The following MMP26 variants were observed in gnomAD, a reference collection of about 807,000 sequenced individuals.
MMP26 encodes matrix metalloproteinase-26.
MMP26 carries 33 observed loss-of-function variants against 31.0 expected under a neutral mutation model. That is an observed-to-expected ratio of 1.06 (90% CI 0.81 to 1.42). MMP26 has a LOEUF of 1.42. Among genes scored for constraint, MMP26 ranks in the 40% most tolerant of loss-of-function variants. The pLI, the probability that MMP26 is intolerant of heterozygous loss-of-function variation, is 0.00. For missense variants in MMP26, 347 were observed against 316.1 expected, an observed-to-expected ratio of 1.10 and a Z score of -0.74; for synonymous variants, 122 against 114.9, an observed-to-expected ratio of 1.06 and a Z score of -0.40.
rs371870150 is a variant in MMP26 at position 4,991,659 on chromosome 11, C to G, written c.595+163C>G. On this transcript the variant is annotated intron_variant, in intron 6 of 7. Transcript: ENST00000380390. ...GAGGAGATGTGGGATCATTTCTGAA[C>G]ACAGATGATCCCATAATAAACACAT... Among the ~76,000 whole-genome samples the G allele has an allele frequency of 2.0e-4, 31 of 152,312 alleles. No homozygotes were observed. The East Asian group carries it at 3.1e-3, about 15-fold the overall frequency.
intron 2 of MMP26, among the ~76,000 whole-genome samples, chr11:4,829,588 C>T (rs1022870021): frequency 5.9e-5 from 9 of 152,156 alleles, no homozygotes; most frequent in African/African-American, 1.4e-4. Context: ...ATTAAGCATG[C>T]TGTGACCCTG....
intron 2 of MMP26, among the ~76,000 whole-genome samples, chr11:4,768,684 T>C (rs1564904856): frequency 6.6e-6 from 1 of 152,192 alleles, no homozygotes; most frequent in Non-Finnish European, 1.5e-5. Flanking sequence ...AAATGGAATA[T>C]GTCTTAAAAG....
chr11:4,907,324 T>C (rs752573542), intron 2 of MMP26: 2 of 1,328,886 alleles, frequency 1.5e-6, no homozygotes, highest in Non-Finnish European at 2.1e-6. Context: ...CTGCTTTTCA[T>C]TTATATGGTT....
intron 2 of MMP26, among the ~76,000 whole-genome samples, chr11:4,838,161 C>CA (rs1284526508): frequency 8.0e-5 from 12 of 149,120 alleles, no homozygotes; most frequent in African/African-American, 2.5e-5. Context: ...ACTAAAAATA[C>CA]AAAAAAATTA....
chr11:4,790,363 A>T (rs1167892990), intron 2 of MMP26, among the ~76,000 whole-genome samples: 1 of 151,912 alleles, frequency 6.6e-6, no homozygotes, highest in African/African-American at 2.4e-5. Context: ...ACAAACAAAC[A>T]AAAAAAAGCA....
chr11:4,834,844 A>G (rs981799646), intron 2 of MMP26, among the ~76,000 whole-genome samples: 2 of 152,206 alleles, frequency 1.3e-5, no homozygotes, highest in Admixed American at 6.5e-5. Flanking sequence ...AGATCTCAAT[A>G]TGGTCTTCAG....
intron 2 of MMP26, among the ~76,000 whole-genome samples, chr11:4,857,256 A>G (rs2133506874): frequency 1.0e-5 from 1 of 100,074 alleles, no homozygotes; most frequent in South Asian, 4.3e-4. Flanking sequence ...GACACAAAAA[A>G]ACCCTTAAAA....
At chr11:4,802,315 G>A (rs1365432467) in intron 2 of MMP26, among the ~76,000 whole-genome samples, 1 of 152,152 alleles carries the variant, frequency 6.6e-6, no homozygotes, top group Non-Finnish European at 1.5e-5. Context: ...GCTAGGTGAA[G>A]AGTAATTGCT....
chr11:4,843,894 G>A (rs1017863669), intron 2 of MMP26, among the ~76,000 whole-genome samples: 35 of 151,982 alleles, frequency 2.3e-4, no homozygotes, highest in Admixed American at 1.4e-3. Flanking sequence ...GGTGTACACC[G>A]TTATAAGAAG....
chr11:4,758,967 T>G (rs1848538643), intron 1 of MMP26, among the ~76,000 whole-genome samples: 1 of 151,456 alleles, frequency 6.6e-6, no homozygotes, highest in African/African-American at 2.4e-5. Flanking sequence ...CAAAATTAGC[T>G]GGGCATGGTG....
At chr11:4,976,846 G>A (rs1009491823) in intron 2 of MMP26, among the ~76,000 whole-genome samples, 16 of 152,024 alleles carry the variant, frequency 1.1e-4, no homozygotes, top group African/African-American at 2.7e-4. Flanking sequence ...TTGCTCTTTC[G>A]CCTGCAGTTA....
chr11:4,706,577 CAAAA>C (rs71050423), intron 1 of MMP26, among the ~76,000 whole-genome samples: 13,963 of 87,406 alleles, frequency 0.16, 766 homozygotes, highest in Middle Eastern at 0.24. Context: ...GACCCTATCT[CAAAA>C]AAAAAAAAAA....
chr11:4,737,904 C>T (rs1019660802), intron 1 of MMP26, among the ~76,000 whole-genome samples: 2 of 152,172 alleles, frequency 1.3e-5, no homozygotes, highest in African/African-American at 4.8e-5. Flanking sequence ...GCAATCATGG[C>T]TCACTGCTTT....
chr11:4,842,041 C>T (rs1442590259), intron 2 of MMP26, among the ~76,000 whole-genome samples: 2 of 152,132 alleles, frequency 1.3e-5, no homozygotes, highest in Non-Finnish European at 1.5e-5. Flanking sequence ...TAGGAAAACA[C>T]AATATTATAA....
At chr11:4,770,235 T>C (rs1035292555) in intron 2 of MMP26, among the ~76,000 whole-genome samples, 9 of 152,196 alleles carry the variant, frequency 5.9e-5, no homozygotes, top group Admixed American at 5.9e-4. Flanking sequence ...GTAAGATTAT[T>C]TGAATAAAGA....
At chr11:4,728,158 T>C (rs1848128094) in intron 1 of MMP26, among the ~76,000 whole-genome samples, 1 of 152,198 alleles carries the variant, frequency 6.6e-6, no homozygotes, top group East Asian at 1.9e-4. Flanking sequence ...CTAGTCACAA[T>C]TGGATTTTCA....
Position 4,882,207 on chromosome 11 carries a change from T to C in MMP26, c.-144-105861T>C, listed in dbSNP as rs930965797. The stretch of plus-strand genomic sequence containing the variant: ...AGCTTTAAAGCTTGCTTCATTCAAA[T>C]GTTCTTTGTGCATGCTTTCTCCTTG... On this transcript the variant is annotated intron_variant, in intron 2 of 7. Coordinates refer to ENST00000380390, the MANE Select transcript of MMP26 (RefSeq NM_021801.5). 3.1e-6 allele frequency: 5 copies of C among 1,613,866 alleles called. No individual in the cohort carries two copies. The Admixed American group carries it at 5.0e-5, about 16-fold the overall frequency.
chr11:4,866,324 A>G lies in MMP26; in HGVS notation c.-145+98983A>G, dbSNP rs561320419. Among the ~76,000 whole-genome samples, 12 of 152,298 alleles carry G rather than the reference A, an allele frequency of 7.9e-5. No individual in the cohort carries two copies. In the South Asian group the frequency reaches 2.3e-3, roughly 29 times the overall value. The stretch of plus-strand genomic sequence containing the variant: ...AGTTACTAAAAATAAACAAAAGAAA[A>G]TTTAAAAACACAGCAAGTCTCTTAA... On this transcript the variant is annotated intron_variant, in intron 2 of 7. Transcript: ENST00000380390.
At chr11:4,795,323 A>G (rs1331766567) in intron 2 of MMP26, 3 of 152,176 alleles carry the variant, frequency 2.0e-5, no homozygotes, top group South Asian at 2.1e-4. Context: ...TTAGATCCCA[A>G]TGGTGGTATC....
Sources: gnomAD v4.1 joint callset for allele counts (sites outside exome capture counted in the v4.1 genomes callset) on GRCh38, gnomAD v4.1.1 for gene constraint, MANE v1.5 for transcripts, NCBI Gene and HGNC (gene_info 2026-07-23, HGNC 2026-07-21) for gene names.